The following ECHS1 variants were observed in gnomAD, a reference collection of about 807,000 sequenced individuals.
ECHS1 encodes the protein enoyl-CoA hydratase, short chain 1.
Under a neutral mutation model 33.5 loss-of-function variants are expected in ECHS1, and 19 were observed. The ratio of observed to expected loss-of-function variants is 0.57; its 90% CI spans 0.40 to 0.83. The LOEUF (loss-of-function observed/expected upper bound fraction) is 0.83, where lower values mean the gene tolerates loss of function less well. ECHS1 is among the 40% of genes least tolerant of loss of function. The pLI is 0.00. For synonymous variants in ECHS1, 158 were observed against 146.6 expected, an observed-to-expected ratio of 1.08 and a Z score of -0.56; for missense variants, 365 against 381.3, an observed-to-expected ratio of 0.96 and a Z score of 0.36.
rs1589882918 is a variant in ECHS1 at position 133,370,564 on chromosome 10, A to G, written c.282T>C (p.Phe94=). ...AIVLTGGDKA[F]AAGADIKEMQ... is the part of the protein sequence containing the mutation. Reference sequence around the variant, plus strand: ...GGCCTCTGCTGCCGCGCGTACCTGCAAAGGCCTTATCCCCGCCGGTGAGGA... The same window carrying G: ...GGCCTCTGCTGCCGCGCGTACCTGCGAAGGCCTTATCCCCGCCGGTGAGGA... The change falls in exon 2 of 8, where the codon TTT becomes TTC. Residue 94 remains phenylalanine, a synonymous_variant. Transcript: ENST00000368547. 2 of 1,578,522 alleles carry G rather than the reference A, an allele frequency of 1.3e-6. No individual in the cohort carries two copies. Among genetic ancestry groups the G allele is most frequent in the South Asian group, 1.2e-5 (1 of 86,712 alleles).
At chr10:133,363,868 A>G (rs1276617548) in intron 7 of ECHS1, among the ~76,000 whole-genome samples, 2 of 152,224 alleles carry the variant, frequency 1.3e-5, no homozygotes, top group Non-Finnish European at 1.5e-5. Context: ...ATTGCTCTAA[A>G]GCTTCAGCTT....
At position 133,368,954 on chromosome 10, in the gene ECHS1, T is replaced by C. The variant is rs771987171; in HGVS notation, c.483A>G (p.Ala161=). ...TGGTTCCTATTAAGATCTCCGGCTG[T>C]GCAAACTGGGCCTTCTCACCGGCAT... ...IIYAGEKAQF[A]QPEILIGTIP... Residue 161 remains alanine (A), a synonymous_variant, in exon 4 of 8, where the codon GCA becomes GCG. Transcript: ENST00000368547. 6.8e-6 allele frequency: 11 copies of C among 1,613,734 alleles called. No individual in the cohort carries two copies. Among genetic ancestry groups the C allele is most frequent in the Non-Finnish European group, 9.3e-6 (11 of 1,179,918 alleles).
At chr10:133,367,367 A>G (rs1849047257) in intron 4 of ECHS1, among the ~76,000 whole-genome samples, 1 of 150,442 alleles carries the variant, frequency 6.6e-6, no homozygotes, top group African/African-American at 2.5e-5. Context: ...TTAGCTCTTA[A>G]TATTACTCTT....
intron 7 of ECHS1, among the ~76,000 whole-genome samples, chr10:133,364,261 C>A (rs570561467): frequency 7.9e-5 from 12 of 151,736 alleles, no homozygotes; most frequent in Non-Finnish European, 1.2e-4. Context: ...TTAAAAAAGT[C>A]TTTTTTTTGA....
chr10:133,371,011 C>T (rs1849100920), intron 1 of ECHS1, among the ~76,000 whole-genome samples: 1 of 152,240 alleles, frequency 6.6e-6, no homozygotes, highest in African/African-American at 2.4e-5. Context: ...GGCGCGGTGG[C>T]TCACGCCTGT....
intron 4 of ECHS1, 102 bp from the exon 5 acceptor site, chr10:133,367,095 T>C: frequency 1.1e-6 from 1 of 908,046 alleles, no homozygotes. Context: ...AGATAGGCCC[T>C]GAGACTAGGT....
At position 133,366,752 on chromosome 10, in the gene ECHS1, A is replaced by C. The variant is rs1206406696; in HGVS notation, c.619+137T>G. ...AGCTCAGGGTTTCTGTGGGGCACCCATGAGGGGGACACCTGGATGCTGCCC... is the reference window on the plus strand; with the variant it reads ...AGCTCAGGGTTTCTGTGGGGCACCCCTGAGGGGGACACCTGGATGCTGCCC... On this transcript the variant is annotated intron_variant, in intron 5 of 7. Transcript: ENST00000368547. The C allele has an allele frequency of 1.1e-5, 7 of 641,398 alleles. No individual in the cohort carries two copies. The African/African-American group carries it at 1.2e-4, about 11-fold the overall frequency. The allele number at this position is 641,398 out of a possible 1,614,324, so 39.7% of individuals were successfully genotyped here.
intron 4 of ECHS1, 151 bp downstream of exon 4, chr10:133,368,772 C>A (rs527657607): frequency 9.1e-6 from 6 of 661,768 alleles, no homozygotes; most frequent in Non-Finnish European, 1.3e-5. Flanking sequence ...ACCACTCTAG[C>A]CTCCGTGGCT....
In ECHS1 at chr10:133,362,582, G is replaced by C. The variant is rs1848979089; in HGVS notation, c.*286C>G. ...CATTCTTCAGCGGCAGGGACACAAG[G>C]ACCCGCAGGCCCCGCTTTCCGTCCG... On this transcript the variant is annotated 3_prime_UTR_variant, in exon 8 of 8. Transcript: ENST00000368547. 8 of 489,476 alleles carry C rather than the reference G, an allele frequency of 1.6e-5. No homozygotes were observed. The South Asian group carries it at 1.9e-4, about 12-fold the overall frequency. The allele number at this position is 489,476 out of a possible 1,614,324, so 30.3% of individuals were successfully genotyped here.
At position 133,362,690 on chromosome 10, in the gene ECHS1, G is replaced by A. The variant is rs1848980314; in HGVS notation, c.*178C>T. 3.0e-6 allele frequency: 2 copies of A among 673,440 alleles called. No homozygotes were observed. Among genetic ancestry groups the A allele is most frequent in the Non-Finnish European group, 5.3e-6 (2 of 380,752 alleles). The allele number at this position is 673,440 out of a possible 1,614,324, so 41.7% of individuals were successfully genotyped here. A position where few individuals can be genotyped will look rare whatever the true frequency, so the allele number is the denominator to read the frequency against. On this transcript the variant is annotated 3_prime_UTR_variant, in exon 8 of 8. Transcript: ENST00000368547. ...AGGTGCTCCAGTCAGGACCCTCACA[G>A]GCTGGGTGACGAAGGCTGTCATGCC...
chr10:133,371,625 G>C (rs575828071), intron 1 of ECHS1: 2 of 154,560 alleles, frequency 1.3e-5, no homozygotes, highest in Non-Finnish European at 2.9e-5. Flanking sequence ...GGCGCTTCTC[G>C]GTTGGCCTGC....
Position 133,362,754 on chromosome 10 carries a change from G to T in ECHS1, c.*114C>A. ...CCACGACCACGCAGCAATTGGAGAG[G>T]AACTGCACACCACGGACACTGCTCT... On this transcript the variant is annotated 3_prime_UTR_variant, in exon 8 of 8. Coordinates refer to ENST00000368547, the MANE Select transcript of ECHS1 (RefSeq NM_004092.4). The T allele has an allele frequency of 8.2e-7, 1 of 1,218,870 alleles. No individual in the cohort carries two copies. The allele number at this position is 1,218,870 out of a possible 1,614,324, so 75.5% of individuals were successfully genotyped here.
In ECHS1 at chr10:133,370,050, AGGT is replaced by A; in HGVS notation, c.287-22_287-20del. On this transcript the variant is annotated intron_variant, in intron 2 of 7. Coordinates refer to ENST00000368547, the MANE Select transcript of ECHS1 (RefSeq NM_004092.4). ...GCTCCAGCTAGCAGGAGTGGAAAGG[AGGT>A]TCCAGTTACCAGAGAGCAGAGAGCC... 6.2e-7 allele frequency: 1 copy of A among 1,613,340 alleles called. No individual in the cohort carries two copies. Among genetic ancestry groups the A allele is most frequent in the African/African-American group, 1.3e-5 (1 of 75,038 alleles).
rs770931871 is a variant in ECHS1 at position 133,369,924 on chromosome 10, C to T, written c.394G>A (p.Ala132Thr). 9.9e-6 allele frequency: 16 copies of T among 1,613,618 alleles called. No individual in the cohort carries two copies. The highest frequency in any genetic ancestry group is 1.3e-5 in the Non-Finnish European group (15 of 1,179,972). Residue 132 changes from alanine to threonine, a missense_variant, in exon 3 of 8, where the codon GCT becomes ACT. Coordinates refer to ENST00000368547, the MANE Select transcript of ECHS1 (RefSeq NM_004092.4). The stretch of plus-strand genomic sequence containing the variant: ...CTCACGGCATAGCCATTGACAGCAG[C>T]GATGACTGGCTTCTTGACCTGGGTG... ...HLTQVKKPVI[A>T]AVNGYAFGGG...
At chr10:133,365,087 C>T (rs992646741) in intron 6 of ECHS1, among the ~76,000 whole-genome samples, 1 of 152,254 alleles carries the variant, frequency 6.6e-6, no homozygotes, top group East Asian at 1.9e-4. Context: ...AAGGACAGCA[C>T]GAGAGCCAGA....
At chr10:133,371,062 G>A (rs1365572190) in intron 1 of ECHS1, among the ~76,000 whole-genome samples, 2 of 152,214 alleles carry the variant, frequency 1.3e-5, no homozygotes, top group African/African-American at 2.4e-5. Flanking sequence ...CGAATCACAA[G>A]GTCAGGAGAT....
Position 133,362,599 on chromosome 10 carries a change from T to G in ECHS1, c.*269A>C. 2.0e-6 allele frequency: 1 copy of G among 507,640 alleles called. No homozygotes were observed. Among genetic ancestry groups the G allele is most frequent in the Non-Finnish European group, 3.6e-6 (1 of 281,262 alleles). 31.4% of individuals were successfully genotyped at this position (507,640 alleles called of 1,614,324 possible). ...GACACAAGGACCCGCAGGCCCCGCT[T>G]TCCGTCCGAGCACAGCATGCCCAGA... On this transcript the variant is annotated 3_prime_UTR_variant, in exon 8 of 8. Coordinates refer to ENST00000368547, the MANE Select transcript of ECHS1 (RefSeq NM_004092.4).
In ECHS1 at chr10:133,366,709, A is replaced by T. The variant is rs1378409573; in HGVS notation, c.619+180T>A. ...TCTGGGTTTCTGTGGGGCTCCCACG[A>T]GGGAGACAACTGGATGCAGCTCAGG... is the stretch of plus-strand genomic sequence containing the variant. On this transcript the variant is annotated intron_variant, in intron 5 of 7. Coordinates refer to ENST00000368547, the MANE Select transcript of ECHS1 (RefSeq NM_004092.4). 2.0e-3 allele frequency among the ~76,000 whole-genome samples: 281 copies of T among 138,048 alleles called. 2 individuals are homozygous for T. The highest frequency in any genetic ancestry group is 8.5e-3 in the African/African-American group (267 of 31,454). 90.6% of individuals were successfully genotyped at this position (138,048 alleles called of 152,430 possible).
At chr10:133,366,220 G>A (rs1040238172) in intron 5 of ECHS1, 125 bp from the exon 6 acceptor site, 21 of 1,182,406 alleles carry the variant, frequency 1.8e-5, no homozygotes, top group Non-Finnish European at 2.0e-5. Flanking sequence ...AAGCAAGGGC[G>A]GCTTCCACAC....
Sources: allele counts gnomAD v4.1 joint callset (sites outside exome capture counted in the v4.1 genomes callset), GRCh38; gene constraint gnomAD v4.1.1; transcripts MANE v1.5; gene names NCBI Gene and HGNC (gene_info 2026-07-23, HGNC 2026-07-21).